The following SPAG16 variants were observed in gnomAD, a reference collection of about 807,000 sequenced individuals.
SPAG16 encodes sperm-associated antigen 16 protein.
In SPAG16, 86 loss-of-function variants were observed where a neutral mutation model predicts 80.4. The observed-to-expected ratio is 1.07, with a 90% confidence interval of 0.90 to 1.28. SPAG16 has a LOEUF of 1.28. Among genes scored for constraint, SPAG16 ranks in the 50% most tolerant of loss-of-function variants. The pLI is 0.00. For synonymous variants in SPAG16, 294 were observed against 265.9 expected, an observed-to-expected ratio of 1.11 and a Z score of -1.03; for missense variants, 870 against 765.3, an observed-to-expected ratio of 1.14 and a Z score of -1.61.
At chr2:214,341,235 A>C (rs1697669816) in intron 15 of SPAG16, among the ~76,000 whole-genome samples, 1 of 152,178 alleles carries the variant, frequency 6.6e-6, no homozygotes, top group South Asian at 2.1e-4. Context: ...AGAAAGACAG[A>C]AAACAAGGGA....
chr2:213,364,389 T>C, intron 8 of SPAG16: 1 of 223,284 alleles, frequency 4.5e-6, no homozygotes, highest in East Asian at 8.9e-5. Context: ...GGTACCAGAC[T>C]AGCCTTCTCT....
chr2:213,519,069 G>C (rs1399660036), intron 10 of SPAG16, among the ~76,000 whole-genome samples: 1 of 152,120 alleles, frequency 6.6e-6, no homozygotes, highest in Non-Finnish European at 1.5e-5. Flanking sequence ...GTGGACTACC[G>C]GTGGGGGGTT....
intron 12 of SPAG16, among the ~76,000 whole-genome samples, chr2:213,997,088 T>A (rs567527462): frequency 1.3e-5 from 2 of 152,322 alleles, no homozygotes; most frequent in South Asian, 4.1e-4. Flanking sequence ...AGTATTTTCA[T>A]TTTTAGGGAC....
At chr2:214,122,409 C>T (rs2054265303) in intron 14 of SPAG16, among the ~76,000 whole-genome samples, 1 of 151,798 alleles carries the variant, frequency 6.6e-6, no homozygotes, top group Non-Finnish European at 1.5e-5. Flanking sequence ...CATCAATTCA[C>T]ATTACCTTTT....
chr2:214,303,506 T>TTTTC (rs1182024278), intron 15 of SPAG16, among the ~76,000 whole-genome samples: 1 of 152,200 alleles, frequency 6.6e-6, no homozygotes, highest in Admixed American at 6.5e-5. Flanking sequence ...TCTGAAGGTA[T>TTTTC]TTTCTTAATA....
At chr2:213,636,928 A>G (rs571214225) in intron 10 of SPAG16, among the ~76,000 whole-genome samples, 15 of 152,278 alleles carry the variant, frequency 9.9e-5, no homozygotes, top group Admixed American at 8.5e-4. Flanking sequence ...CTTTTTATCA[A>G]TTTGGTTGCC....
intron 10 of SPAG16, among the ~76,000 whole-genome samples, chr2:213,665,883 TA>T (rs1314036621): frequency 3.3e-5 from 5 of 152,032 alleles, no homozygotes; most frequent in Non-Finnish European, 7.4e-5. Context: ...TCAAGCCACT[TA>T]AAATAGAGAA....
chr2:213,709,441 T>G (rs1002638071), intron 10 of SPAG16, among the ~76,000 whole-genome samples: 1 of 152,174 alleles, frequency 6.6e-6, no homozygotes, highest in African/African-American at 2.4e-5. Flanking sequence ...TAGGAAACAC[T>G]TATGGAATAT....
intron 7 of SPAG16, among the ~76,000 whole-genome samples, chr2:213,353,070 G>A (rs1476831959): frequency 5.3e-5 from 8 of 152,204 alleles, no homozygotes; most frequent in South Asian, 2.1e-4. Context: ...ATAGCTTAAA[G>A]TCTACAGGCT....
chr2:214,302,264 G>C (rs1388894424), intron 15 of SPAG16, among the ~76,000 whole-genome samples: 3 of 152,118 alleles, frequency 2.0e-5, no homozygotes, highest in African/African-American at 7.2e-5. Flanking sequence ...AAGTTGTTGG[G>C]TATAATAATC....
chr2:214,399,665 A>G (rs1050838916), intron 15 of SPAG16, among the ~76,000 whole-genome samples: 1 of 152,126 alleles, frequency 6.6e-6, no homozygotes, highest in Non-Finnish European at 1.5e-5. Flanking sequence ...GGGTGGTTTT[A>G]TTACTTTACA....
intron 14 of SPAG16, among the ~76,000 whole-genome samples, chr2:214,118,279 C>T (rs926485924): frequency 1.3e-5 from 2 of 152,064 alleles, no homozygotes; most frequent in Admixed American, 6.6e-5. Context: ...TAAACAAAAA[C>T]ATGAAATGTC....
chr2:213,415,607 T>C (rs530837155), intron 9 of SPAG16, among the ~76,000 whole-genome samples: 1 of 152,280 alleles, frequency 6.6e-6, no homozygotes, highest in Non-Finnish European at 1.5e-5. Context: ...ATTACGTTTG[T>C]AGTGTGTGTA....
chr2:214,146,306 G>A (rs1029461445), intron 14 of SPAG16, among the ~76,000 whole-genome samples: 2 of 152,154 alleles, frequency 1.3e-5, no homozygotes, highest in African/African-American at 4.8e-5. Flanking sequence ...TCTCGAGGAA[G>A]GAGATTGGCA....
At chr2:213,378,442 T>A (rs953234947) in intron 9 of SPAG16, among the ~76,000 whole-genome samples, 1 of 152,146 alleles carries the variant, frequency 6.6e-6, no homozygotes, top group East Asian at 1.9e-4. Context: ...AAAACAACTA[T>A]CCTTCGTACA....
intron 13 of SPAG16, among the ~76,000 whole-genome samples, chr2:214,074,954 C>T (rs1258030515): frequency 1.3e-5 from 2 of 152,018 alleles, no homozygotes; most frequent in Admixed American, 6.6e-5. Flanking sequence ...TAGTCAAAAC[C>T]TACAACAACT....
chr2:213,860,453 A>G (rs1458497741), intron 10 of SPAG16, among the ~76,000 whole-genome samples: 9 of 120,980 alleles, frequency 7.4e-5, no homozygotes, highest in Middle Eastern at 4.1e-3. Context: ...ATATATGTAT[A>G]TATATACAGA....
chr2:214,245,371 C>T (rs368868657), intron 15 of SPAG16, among the ~76,000 whole-genome samples: 7 of 152,206 alleles, frequency 4.6e-5, no homozygotes, highest in African/African-American at 1.7e-4. Context: ...ATTAAACTGC[C>T]TTCTGCACCA....
Position 213,284,493 on chromosome 2 carries a change from C to G in SPAG16, c.10C>G (p.Gln4Glu). The G allele has an allele frequency of 6.4e-7, 1 of 1,570,044 alleles. No individual in the cohort carries two copies. Among genetic ancestry groups the G allele is most frequent in the Non-Finnish European group, 8.6e-7 (1 of 1,157,940 alleles). ...GCCCGAAGCGCCAGAGATGGCTGCT[C>G]AGCGAGGGATGCCCAGCTCCGCCGT... MAA[Q>E]RGMPSSAVRV... The change falls in exon 1 of 16, where the codon CAG becomes GAG. Residue 4 changes from glutamine (Q) to glutamate (E), a missense_variant. Transcript: ENST00000331683.
Sources: allele counts gnomAD v4.1 joint callset (sites outside exome capture counted in the v4.1 genomes callset), GRCh38; gene constraint gnomAD v4.1.1; transcripts MANE v1.5; gene names NCBI Gene and HGNC (gene_info 2026-07-23, HGNC 2026-07-21).